Variants in CSMD1 observed in about 807,000 individuals in gnomAD.
CSMD1 encodes CUB and Sushi multiple domains 1.
In CSMD1, 213 loss-of-function variants were observed where a neutral mutation model predicts 417.5. The ratio of observed to expected loss-of-function variants is 0.51; its 90% CI spans 0.46 to 0.57. The LOEUF (loss-of-function observed/expected upper bound fraction) is 0.57. Ranked by LOEUF, CSMD1 falls within the 20% of genes least tolerant of loss-of-function variation. The pLI, the probability that CSMD1 is intolerant of heterozygous loss-of-function variation, is 0.00. For synonymous variants in CSMD1, 2,862 were observed against 1,736.8 expected (o/e 1.65, Z -16.11); for missense variants, 6,923 against 4,529.7 (o/e 1.53, Z -15.17).
intron 3 of CSMD1, among the ~76,000 whole-genome samples, chr8:4,264,464 A>T (rs533035821): frequency 7.2e-5 from 11 of 152,278 alleles, no homozygotes; most frequent in African/African-American, 2.6e-4. Flanking sequence ...AAATTTGCAG[A>T]TCACAATTCT....
At chr8:4,609,086 T>A (rs1801034319) in intron 2 of CSMD1, among the ~76,000 whole-genome samples, 1 of 151,246 alleles carries the variant, frequency 6.6e-6, no homozygotes, top group African/African-American at 2.4e-5. Flanking sequence ...GGTTACTGAG[T>A]TTTAGTTTTC....
intron 26 of CSMD1, among the ~76,000 whole-genome samples, chr8:3,238,085 AAG>A (rs567370419): frequency 4.7e-4 from 72 of 152,118 alleles, no homozygotes; most frequent in African/African-American, 1.5e-3. Flanking sequence ...TGAGTCCGAA[AAG>A]AGAGTCACCG....
chr8:3,603,408 G>C (rs1259950368), intron 8 of CSMD1, among the ~76,000 whole-genome samples: 1 of 152,110 alleles, frequency 6.6e-6, no homozygotes, highest in Non-Finnish European at 1.5e-5. Context: ...GTCAGGAAAG[G>C]CTTGCGAGCT....
At chr8:4,559,456 T>C (rs1202315904) in intron 2 of CSMD1, among the ~76,000 whole-genome samples, 4 of 152,182 alleles carry the variant, frequency 2.6e-5, no homozygotes, top group African/African-American at 7.2e-5. Flanking sequence ...GGTTAAAATA[T>C]ATAACCATGG....
chr8:4,282,071 A>G (rs139835363), intron 3 of CSMD1, among the ~76,000 whole-genome samples: 1 of 152,338 alleles, frequency 6.6e-6, no homozygotes, highest in African/African-American at 2.4e-5. Flanking sequence ...ACATTGTAGC[A>G]TCCAAGGGAA....
chr8:3,945,740 G>C lies in CSMD1; in HGVS notation c.818+52163C>G, dbSNP rs76580970. ...CCTTACCTTAGGTTACTAGGGGATAGAAAACCAAGAAATGGGCTGGAACTG... is the reference window on the plus strand; with the variant it reads ...CCTTACCTTAGGTTACTAGGGGATACAAAACCAAGAAATGGGCTGGAACTG... On this transcript the variant is annotated intron_variant, in intron 5 of 69. Coordinates refer to ENST00000635120, the MANE Select transcript of CSMD1 (RefSeq NM_033225.6). Among the ~76,000 whole-genome samples, 594 of 152,170 alleles carry C rather than the reference G, an allele frequency of 3.9e-3. 5 individuals are homozygous for C. Among genetic ancestry groups the C allele is most frequent in the African/African-American group, 0.013 (538 of 41,542 alleles).
intron 3 of CSMD1, among the ~76,000 whole-genome samples, chr8:4,178,848 T>C (rs936472066): frequency 2.6e-5 from 4 of 152,078 alleles, no homozygotes; most frequent in Non-Finnish European, 4.4e-5. Flanking sequence ...GAGAATAAAA[T>C]ACTTAGAAAT....
At chr8:4,754,270 G>A (rs946655720) in intron 1 of CSMD1, among the ~76,000 whole-genome samples, 1 of 152,110 alleles carries the variant, frequency 6.6e-6, no homozygotes, top group Non-Finnish European at 1.5e-5. Flanking sequence ...TGACTAAGAA[G>A]ACAATTGCCA....
chr8:3,249,796 T>C (rs527856784), intron 26 of CSMD1, among the ~76,000 whole-genome samples: 1 of 152,282 alleles, frequency 6.6e-6, no homozygotes, highest in Non-Finnish European at 1.5e-5. Flanking sequence ...TAAACTTCAT[T>C]AGGGAAAACT....
intron 12 of CSMD1, among the ~76,000 whole-genome samples, chr8:3,461,414 C>G (rs533577468): frequency 6.6e-6 from 1 of 152,326 alleles, no homozygotes; most frequent in Non-Finnish European, 1.5e-5. Flanking sequence ...GGCCATAATG[C>G]TGTGTCAGTC....
chr8:4,824,840 C>A (rs1048457766), intron 1 of CSMD1, among the ~76,000 whole-genome samples: 2 of 152,072 alleles, frequency 1.3e-5, no homozygotes, highest in Non-Finnish European at 2.9e-5. Context: ...ATTTAAGAAA[C>A]AATCTGTATC....
At chr8:3,903,390 C>G (rs1197042166) in intron 5 of CSMD1, among the ~76,000 whole-genome samples, 1 of 151,996 alleles carries the variant, frequency 6.6e-6, no homozygotes, top group East Asian at 1.9e-4. Context: ...ATGTCATTAT[C>G]ATAAGCTTTC....
rs78048499 is a variant in CSMD1 at position 3,173,499 on chromosome 8, G to C, written c.5725+7611C>G. 1.3e-3 allele frequency among the ~76,000 whole-genome samples: 192 copies of C among 152,216 alleles called. 2 individuals carry two copies. Among genetic ancestry groups the C allele is most frequent in the African/African-American group, 4.1e-3 (170 of 41,532 alleles). The stretch of plus-strand genomic sequence containing the variant: ...TGGCCAAACTGTGAAGTTGAAGGTG[G>C]GTCTTAGGAAAATTTTTTGAAATGA... On this transcript the variant is annotated intron_variant, in intron 37 of 69. Coordinates refer to ENST00000635120, the MANE Select transcript of CSMD1 (RefSeq NM_033225.6).
chr8:4,751,873 T>A (rs891086080), intron 1 of CSMD1, among the ~76,000 whole-genome samples: 3 of 152,316 alleles, frequency 2.0e-5, no homozygotes, highest in South Asian at 4.1e-4. Flanking sequence ...TGCAGTTTAG[T>A]TTCCAATTAA....
intron 3 of CSMD1, among the ~76,000 whole-genome samples, chr8:4,107,470 C>A (rs1407218240): frequency 1.3e-5 from 2 of 152,206 alleles, no homozygotes; most frequent in Non-Finnish European, 2.9e-5. Context: ...ATAATGATTA[C>A]AAGTGAAACG....
intron 41 of CSMD1, among the ~76,000 whole-genome samples, chr8:3,140,045 G>T (rs1242868703): frequency 6.6e-6 from 1 of 151,984 alleles, no homozygotes; most frequent in African/African-American, 2.4e-5. Context: ...TGGGATTACA[G>T]GCGCCTGCCA....
chr8:4,539,883 C>G (rs1797293585), intron 2 of CSMD1, among the ~76,000 whole-genome samples: 1 of 152,052 alleles, frequency 6.6e-6, no homozygotes, highest in Non-Finnish European at 1.5e-5. Context: ...AGACAGGAAC[C>G]CCAGAGAGGT....
intron 1 of CSMD1, among the ~76,000 whole-genome samples, chr8:4,932,444 C>A (rs1211348610): frequency 6.6e-6 from 1 of 152,066 alleles, no homozygotes; most frequent in African/African-American, 2.4e-5. Flanking sequence ...AATCTTTCTG[C>A]CAGTTTGTCT....
At chr8:4,027,177 G>T (rs1276738445) in intron 4 of CSMD1, among the ~76,000 whole-genome samples, 1 of 152,064 alleles carries the variant, frequency 6.6e-6, no homozygotes, top group Non-Finnish European at 1.5e-5. Context: ...GTTACGACGA[G>T]GTAAGAAGCA....
Sources: gnomAD v4.1 joint callset for allele counts (sites outside exome capture counted in the v4.1 genomes callset) on GRCh38, gnomAD v4.1.1 for gene constraint, MANE v1.5 for transcripts, NCBI Gene and HGNC (gene_info 2026-07-23, HGNC 2026-07-21) for gene names.